The following GUCY1A2 variants were observed in gnomAD, a reference collection of about 807,000 sequenced individuals.
The protein encoded by GUCY1A2 is guanylate cyclase 1 soluble subunit alpha 2.
GUCY1A2 carries 27 observed loss-of-function variants against 63.5 expected under a neutral mutation model. The observed-to-expected ratio is 0.43, with a 90% CI of 0.31 to 0.59. The LOEUF is 0.59. Ranked by LOEUF, GUCY1A2 falls within the 20% of genes least tolerant of loss-of-function variation. The probability of loss-of-function intolerance (pLI) is 0.11; values close to 1 mark genes in which losing one functional copy is unlikely to be tolerated. For missense variants in GUCY1A2, 768 were observed against 913.3 expected (o/e 0.84, Z 2.05); for synonymous variants, 364 against 343.5 (o/e 1.06, Z -0.66).
intron 5 of GUCY1A2, among the ~76,000 whole-genome samples, chr11:106,797,275 A>T (rs1184545083): frequency 1.3e-5 from 2 of 152,024 alleles, no homozygotes; most frequent in Non-Finnish European, 2.9e-5. Flanking sequence ...CTCTCAACTC[A>T]TCAAAGTCAT....
rs201162728 is a variant in GUCY1A2 at position 106,708,542 on chromosome 11, C to T, written c.1961G>A (p.Arg654Gln). 84 of 1,612,164 alleles carry T rather than the reference C, an allele frequency of 5.2e-5. No homozygotes were observed. Among genetic ancestry groups the T allele is most frequent in the Non-Finnish European group, 7.0e-5 (82 of 1,179,000 alleles). Residue 654 changes from arginine (R) to glutamine (Q), a missense_variant, in exon 7 of 8, where the codon CGG becomes CAG. This residue lies in a region of GUCY1A2 where 150 missense variants were observed against 188.3 expected (regional missense o/e 0.80). Transcript: ENST00000526355. ...AGTGGTTGGGCTGACATTGATGCGC[C>T]GAGGGTGACTTCCCGACTCGAATTT... is the stretch of plus-strand genomic sequence containing the variant. ...ASKFESGSHP[R>Q]RINVSPTTYQ...
chr11:106,959,117 C>A (rs1861027827), intron 3 of GUCY1A2, among the ~76,000 whole-genome samples: 1 of 152,130 alleles, frequency 6.6e-6, no homozygotes, highest in Admixed American at 6.5e-5. Context: ...GTAGATCTCA[C>A]AGAACACTGA....
chr11:106,721,116 T>C (rs185893341), intron 6 of GUCY1A2, among the ~76,000 whole-genome samples: 211 of 150,784 alleles, frequency 1.4e-3, no homozygotes, highest in African/African-American at 5.0e-3. Flanking sequence ...TGGAGTGCAG[T>C]GGTGCCATCT....
At chr11:106,805,107 C>G (rs1211652095) in intron 5 of GUCY1A2, among the ~76,000 whole-genome samples, 2 of 152,188 alleles carry the variant, frequency 1.3e-5, no homozygotes, top group Non-Finnish European at 2.9e-5. Flanking sequence ...GTTGCCCTAT[C>G]TTGTCTTACT....
intron 4 of GUCY1A2, among the ~76,000 whole-genome samples, chr11:106,846,599 C>G (rs111991437): frequency 2.6e-4 from 39 of 151,720 alleles, no homozygotes; most frequent in African/African-American, 9.4e-4. Flanking sequence ...ATACGGAGAT[C>G]TTCAGGGGAA....
intron 5 of GUCY1A2, among the ~76,000 whole-genome samples, chr11:106,786,270 TA>T (rs1057064066): frequency 2.2e-4 from 33 of 151,996 alleles, no homozygotes; most frequent in African/African-American, 3.1e-4. Context: ...ATTCTTTCTT[TA>T]AAAAAAAATT....
chr11:107,006,186 C>A (rs1861669234), intron 1 of GUCY1A2, among the ~76,000 whole-genome samples: 1 of 152,118 alleles, frequency 6.6e-6, no homozygotes, highest in African/African-American at 2.4e-5. Context: ...TCCCAGAATG[C>A]AGAGAGTTAA....
chr11:107,017,866 C>A lies in GUCY1A2; in HGVS notation c.190G>T (p.Ala64Ser), dbSNP rs1861847211. The part of the protein sequence containing the change: ...AAAAAPAPTP[A>S]ASAAAAAATA... ...GCAGCGGCGGCGGCGGCAGAAGCAG[C>A]CGGGGTCGGGGCCGGGGCGGCGGCA... Residue 64 changes from alanine (A) to serine (S), a missense_variant, in exon 1 of 8, where the codon GCT becomes TCT. Ala to Ser is a moderately conservative substitution (Grantham distance 99). Around this residue, in one of 3 missense-constraint regions of GUCY1A2, gnomAD observed 496 missense variants for 486.9 expected, o/e 1.02. Coordinates refer to ENST00000526355, the MANE Select transcript of GUCY1A2 (RefSeq NM_000855.3). The A allele has an allele frequency of 1.6e-6, 2 of 1,251,298 alleles. No homozygotes were observed. Among genetic ancestry groups the A allele is most frequent in the South Asian group, 3.8e-5 (1 of 26,316 alleles). 77.5% of individuals were successfully genotyped at this position (1,251,298 alleles called of 1,614,324 possible). A position where few individuals can be genotyped will look rare whatever the true frequency, so the allele number is the denominator to read the frequency against.
At chr11:106,774,165 G>A (rs967758975) in intron 6 of GUCY1A2, among the ~76,000 whole-genome samples, 25 of 150,848 alleles carry the variant, frequency 1.7e-4, no homozygotes, top group Admixed American at 1.2e-3. Flanking sequence ...ATGGAGTCTC[G>A]CTCTGTCACC....
intron 4 of GUCY1A2, among the ~76,000 whole-genome samples, chr11:106,885,543 T>A (rs1158352441): frequency 3.3e-5 from 5 of 152,184 alleles, no homozygotes; most frequent in Non-Finnish European, 7.3e-5. Context: ...TTTCTAATTA[T>A]CCTCTGTTCT....
intron 5 of GUCY1A2, 152 bp from the exon 6 acceptor site, chr11:106,776,734 G>A (rs1864363463): frequency 1.4e-6 from 1 of 695,656 alleles, no homozygotes; most frequent in African/African-American, 1.8e-5. Context: ...TCACAGCAGA[G>A]TTTGCAAACA....
At chr11:106,797,515 A>G (rs913067209) in intron 5 of GUCY1A2, among the ~76,000 whole-genome samples, 17 of 152,138 alleles carry the variant, frequency 1.1e-4, no homozygotes, top group African/African-American at 4.1e-4. Context: ...TTCCAAAACT[A>G]ACCACATAGT....
rs1859246890 is a variant in GUCY1A2, at chr11:106,844,630, A to C, written c.1207-34152T>G. 3.3e-5 allele frequency among the ~76,000 whole-genome samples: 5 copies of C among 151,818 alleles called. No individual in the cohort carries two copies. In the South Asian group the frequency reaches 1.0e-3, roughly 31 times the overall value. On this transcript the variant is annotated intron_variant, in intron 4 of 7. Coordinates refer to ENST00000526355, the MANE Select transcript of GUCY1A2 (RefSeq NM_000855.3). ...ATCAATATTTATAGGCTTGAAATAC[A>C]CATTTTAAGCCTGTGGTCAAAGCAG... is the stretch of plus-strand genomic sequence containing the variant.
intron 6 of GUCY1A2, among the ~76,000 whole-genome samples, chr11:106,758,193 C>G (rs1485813498): frequency 6.6e-6 from 1 of 152,228 alleles, no homozygotes; most frequent in Non-Finnish European, 1.5e-5. Flanking sequence ...CCCCTCCCCA[C>G]ACCAAGCTCC....
intron 5 of GUCY1A2, among the ~76,000 whole-genome samples, chr11:106,808,391 T>C (rs1480095218): frequency 6.6e-6 from 1 of 152,108 alleles, no homozygotes; most frequent in Non-Finnish European, 1.5e-5. Context: ...ATACGGAGTA[T>C]TTCTACTGTT....
intron 4 of GUCY1A2, among the ~76,000 whole-genome samples, chr11:106,820,333 A>T (rs1476699484): frequency 6.6e-6 from 1 of 152,332 alleles, no homozygotes; most frequent in South Asian, 2.1e-4. Context: ...TGTCACAGCC[A>T]TGCAACCTTC....
intron 6 of GUCY1A2, among the ~76,000 whole-genome samples, chr11:106,749,100 C>T (rs1191979427): frequency 6.6e-6 from 1 of 151,956 alleles, no homozygotes; most frequent in Non-Finnish European, 1.5e-5. Context: ...TTACAACTGC[C>T]TACAGTATTC....
intron 6 of GUCY1A2, among the ~76,000 whole-genome samples, chr11:106,775,095 T>C (rs1864331963): frequency 6.6e-6 from 1 of 152,178 alleles, no homozygotes; most frequent in African/African-American, 2.4e-5. Context: ...TTTTTCTTTT[T>C]TATTACTCGT....
chr11:106,735,204 C>T (rs767402040), intron 6 of GUCY1A2, among the ~76,000 whole-genome samples: 1 of 151,966 alleles, frequency 6.6e-6, no homozygotes, highest in Non-Finnish European at 1.5e-5. Flanking sequence ...GACTAGTCAC[C>T]CTGTTGTGCT....
Sources: allele counts gnomAD v4.1 joint callset (sites outside exome capture counted in the v4.1 genomes callset), GRCh38; gene constraint gnomAD v4.1.1; regional missense constraint gnomAD v4.1.1; transcripts MANE v1.5; gene names NCBI Gene and HGNC (gene_info 2026-07-23, HGNC 2026-07-21).